CSMD3: variants seen among roughly 807,000 people sequenced by gnomAD.
CSMD3 encodes the protein CUB and sushi domain-containing protein 3.
Under a neutral mutation model 435.2 loss-of-function variants are expected in CSMD3, and 177 were observed. The ratio of observed to expected loss-of-function variants is 0.41; its 90% confidence interval spans 0.36 to 0.46. CSMD3 has a LOEUF of 0.46. Ranked by LOEUF, CSMD3 falls within the 20% of genes least tolerant of loss-of-function variation. The pLI is 0.34. For synonymous variants in CSMD3, 1,656 were observed against 1,520.5 expected, an observed-to-expected ratio of 1.09 and a Z score of -2.07; for missense variants, 4,265 against 4,504.6, an observed-to-expected ratio of 0.95 and a Z score of 1.52.
chr8:112,622,268 C>T (rs1834133632), intron 22 of CSMD3, among the ~76,000 whole-genome samples: 2 of 152,138 alleles, frequency 1.3e-5, no homozygotes, highest in South Asian at 4.1e-4. Context: ...TCCAACTTTA[C>T]TGTTCTGCCC....
Position 113,003,900 on chromosome 8 carries a change from A to G in CSMD3, c.1030+15167T>C, listed in dbSNP as rs182737321. Among the ~76,000 whole-genome samples the G allele has an allele frequency of 1.2e-4, 19 of 152,198 alleles. No homozygotes were observed. In the East Asian group the frequency reaches 3.5e-3, roughly 28 times the overall value. On this transcript the variant is annotated intron_variant, in intron 6 of 70. Coordinates refer to ENST00000297405, the MANE Select transcript of CSMD3 (RefSeq NM_198123.2). Reference sequence around the variant, plus strand: ...CAATGTATCTCTATTACTTCTGTGAATACATTGGCCTTACCGGATTAAAAA... The same window carrying G: ...CAATGTATCTCTATTACTTCTGTGAGTACATTGGCCTTACCGGATTAAAAA...
At chr8:112,586,689 A>G (rs1830757076) in intron 23 of CSMD3, among the ~76,000 whole-genome samples, 1 of 151,100 alleles carries the variant, frequency 6.6e-6, no homozygotes, top group Non-Finnish European at 1.5e-5. Context: ...ACAAGTCACT[A>G]TTATATTTCT....
At chr8:112,898,487 G>A (rs1196260890) in intron 10 of CSMD3, among the ~76,000 whole-genome samples, 1 of 151,034 alleles carries the variant, frequency 6.6e-6, no homozygotes, top group Admixed American at 6.6e-5. Flanking sequence ...TTTAGTAAAT[G>A]GACGCTATAT....
chr8:112,989,813 C>T lies in CSMD3; in HGVS notation c.1031-13665G>A, dbSNP rs2134843. Among the ~76,000 whole-genome samples, 281 of 152,102 alleles carry T rather than the reference C, an allele frequency of 1.8e-3. 7 individuals carry two copies. Among genetic ancestry groups the T allele is most frequent in the Admixed American group, 0.014 (216 of 15,230 alleles). On this transcript the variant is annotated intron_variant, in intron 6 of 70. Transcript: ENST00000297405. The stretch of plus-strand genomic sequence containing the variant: ...ACCTTGGATCTCTTGGGATGCTTTC[C>T]TCAAACTGCCACTGATATGGTTTCA...
chr8:112,879,121 T>G (rs1249362150), intron 10 of CSMD3, among the ~76,000 whole-genome samples: 1 of 152,078 alleles, frequency 6.6e-6, no homozygotes, highest in Admixed American at 6.6e-5. Context: ...AGAGACATAT[T>G]TCCCTTATTG....
intron 12 of CSMD3, among the ~76,000 whole-genome samples, chr8:112,828,761 A>G (rs1171292252): frequency 6.6e-6 from 1 of 152,212 alleles, no homozygotes; most frequent in Non-Finnish European, 1.5e-5. Context: ...GGCCAGAGAT[A>G]GACCACCAAA....
chr8:112,600,550 G>A (rs899346817), intron 22 of CSMD3, among the ~76,000 whole-genome samples: 1 of 152,166 alleles, frequency 6.6e-6, no homozygotes, highest in African/African-American at 2.4e-5. Context: ...GTGATGCAAA[G>A]AGAAGGCAAT....
At chr8:112,310,752 T>G (rs546865290) in intron 50 of CSMD3, 1 of 615,008 alleles carries the variant, frequency 1.6e-6, no homozygotes, top group South Asian at 1.8e-5. Flanking sequence ...GGGGAAAAAG[T>G]CAAGGCATAT....
At chr8:112,957,351 G>A (rs1232831822) in intron 7 of CSMD3, among the ~76,000 whole-genome samples, 2 of 152,160 alleles carry the variant, frequency 1.3e-5, no homozygotes, top group Non-Finnish European at 2.9e-5. Flanking sequence ...ATTTTATACA[G>A]GTTAAGGAAA....
In CSMD3 at chr8:112,585,394, G is replaced by T. The variant is rs1830644733; in HGVS notation, c.3885+1672C>A. Among the ~76,000 whole-genome samples the T allele has an allele frequency of 2.0e-5, 3 of 148,900 alleles. No individual in the cohort carries two copies. The South Asian group carries it at 6.6e-4, about 33-fold the overall frequency. On this transcript the variant is annotated intron_variant, in intron 23 of 70. Transcript: ENST00000297405. ...CTGTATTTGAAGAAATCATTTAAAG[G>T]GCCTTACATTGAGTCTTTTTTTTTT... is the stretch of plus-strand genomic sequence containing the variant.
At chr8:112,640,015 A>C (rs970308821) in intron 20 of CSMD3, among the ~76,000 whole-genome samples, 5 of 152,162 alleles carry the variant, frequency 3.3e-5, no homozygotes, top group Non-Finnish European at 4.4e-5. Context: ...CAAAGTGGCC[A>C]TGCTGATTTA....
intron 22 of CSMD3, among the ~76,000 whole-genome samples, chr8:112,631,861 T>C (rs916216159): frequency 1.3e-5 from 2 of 151,938 alleles, no homozygotes; most frequent in African/African-American, 4.8e-5. Flanking sequence ...AAGAAAAATA[T>C]AGAAAATTAA....
chr8:112,796,276 T>C (rs1041725864), intron 13 of CSMD3, among the ~76,000 whole-genome samples: 2 of 152,136 alleles, frequency 1.3e-5, no homozygotes, highest in Non-Finnish European at 2.9e-5. Flanking sequence ...TCATGTTCAT[T>C]CATTTATTCA....
intron 12 of CSMD3, among the ~76,000 whole-genome samples, chr8:112,813,574 A>G (rs1563986153): frequency 6.6e-6 from 1 of 152,126 alleles, no homozygotes; most frequent in East Asian, 1.9e-4. Context: ...GGAGAGAAGG[A>G]TACAGGGAAA....
At chr8:112,500,503 T>C (rs1473223731) in intron 30 of CSMD3, among the ~76,000 whole-genome samples, 1 of 152,246 alleles carries the variant, frequency 6.6e-6, no homozygotes, top group Non-Finnish European at 1.5e-5. Context: ...AGAATGCTCC[T>C]AAATTTAGGC....
rs573654377 is a variant in CSMD3, at chr8:113,150,689, T to A, written c.709+23033A>T. ...AATATGGGAAAGGACAAGATTTTCA[T>A]GTTTTATTCTTAATTGCTAATAAAT... is the stretch of plus-strand genomic sequence containing the variant. On this transcript the variant is annotated intron_variant, in intron 4 of 70. Transcript: ENST00000297405. Among the ~76,000 whole-genome samples, 8 of 152,184 alleles carry A rather than the reference T, an allele frequency of 5.3e-5. No individual in the cohort carries two copies. In the South Asian group the frequency reaches 1.7e-3, roughly 32 times the overall value.
chr8:112,336,581 T>C (rs1824580695), intron 44 of CSMD3, 71 bp downstream of exon 44: 1 of 1,153,220 alleles, frequency 8.7e-7, no homozygotes, highest in Non-Finnish European at 1.3e-6. Flanking sequence ...AGGATTGTGA[T>C]ATATTTTTAT....
At chr8:113,376,820 T>C (rs954935944) in intron 1 of CSMD3, 1 of 1,613,686 alleles carries the variant, frequency 6.2e-7, no homozygotes, top group Non-Finnish European at 8.5e-7. Context: ...CTGAAGAGGT[T>C]GTTTATGAGT....
At chr8:113,421,480 T>A (rs1248083716) in intron 1 of CSMD3, among the ~76,000 whole-genome samples, 2 of 152,188 alleles carry the variant, frequency 1.3e-5, no homozygotes, top group East Asian at 3.8e-4. Flanking sequence ...TGCTTAAAAA[T>A]CCAACTAATA....
Sources: allele counts gnomAD v4.1 joint callset (sites outside exome capture counted in the v4.1 genomes callset), GRCh38; gene constraint gnomAD v4.1.1; transcripts MANE v1.5; gene names NCBI Gene and HGNC (gene_info 2026-07-23, HGNC 2026-07-21).